KRT76: variants seen among roughly 807,000 people sequenced by gnomAD.
The protein encoded by KRT76 is keratin 76, also known as keratin, type II cytoskeletal 2 oral.
In KRT76, 47 loss-of-function variants were observed where a neutral mutation model predicts 44.9. The observed-to-expected ratio is 1.05, with a 90% CI of 0.83 to 1.33. The LOEUF (loss-of-function observed/expected upper bound fraction) is 1.33. Ranked by LOEUF, KRT76 falls within the 40% of genes most tolerant of loss-of-function variation. The probability of loss-of-function intolerance (pLI) is 0.00; values close to 1 mark genes in which losing one functional copy is unlikely to be tolerated. For synonymous variants in KRT76, 331 were observed against 294.1 expected, an observed-to-expected ratio of 1.13 and a Z score of -1.28; for missense variants, 860 against 775.8, an observed-to-expected ratio of 1.11 and a Z score of -1.29.
At position 52,769,683 on chromosome 12, in the gene KRT76, A is replaced by G. The variant is rs10876340; in HGVS notation, c.1485-100T>C. 14 of 980,396 alleles carry G rather than the reference A, an allele frequency of 1.4e-5. No homozygotes were observed. The East Asian group carries it at 3.3e-4, about 23-fold the overall frequency. The allele number at this position is 980,396 out of a possible 1,614,324, so 60.7% of individuals were successfully genotyped here. ...GGAGCCACGCCCTCCCATTTGCCCC[A>G]CTAGGGGTCAAGCTCCTGCAAGAAG... On this transcript the variant is annotated intron_variant, in intron 7 of 8. Transcript: ENST00000332411.
At chr12:52,771,395 T>C (rs1939179832) in intron 6 of KRT76, among the ~76,000 whole-genome samples, 176 bp from the exon 7 acceptor site, 1 of 152,214 alleles carries the variant, frequency 6.6e-6, no homozygotes, top group Admixed American at 6.5e-5. Flanking sequence ...CTTTGTCCCA[T>C]TGAAATCAAC....
rs181600647 is a variant in KRT76 at position 52,776,794 on chromosome 12, C to T, written c.498G>A (p.Gln166=). 143 of 1,614,150 alleles carry T rather than the reference C, an allele frequency of 8.9e-5. No individual in the cohort carries two copies. Among genetic ancestry groups the T allele is most frequent in the Non-Finnish European group, 1.1e-4 (131 of 1,180,030 alleles). ...QEVIVNQSLL[Q]PLNVEIDPQI... ...GGGGGTCGATCTCCACATTGAGGGG[C>T]TGCAGGAGACTCTGGTTTACAATCA... Residue 166 remains glutamine, a synonymous_variant, in exon 1 of 9, where the codon CAG becomes CAA. Coordinates refer to ENST00000332411, the MANE Select transcript of KRT76 (RefSeq NM_015848.4).
At position 52,772,015 on chromosome 12, in the gene KRT76, A is replaced by G; in HGVS notation, c.1138-19T>C. The G allele has an allele frequency of 6.2e-7, 1 of 1,612,206 alleles. No homozygotes were observed. The highest frequency in any genetic ancestry group is 8.5e-7 in the Non-Finnish European group (1 of 1,178,980). ...CCCCAAGCTGACAGAGGAAAAACCA[A>G]TCAACGTGGCTTTTGCAAAGTGTTG... On this transcript the variant is annotated intron_variant, in intron 5 of 8. Coordinates refer to ENST00000332411, the MANE Select transcript of KRT76 (RefSeq NM_015848.4).
At chr12:52,773,492 C>T in intron 3 of KRT76, 90 bp downstream of exon 3, 1 of 851,340 alleles carries the variant, frequency 1.2e-6, no homozygotes, top group South Asian at 1.6e-5. Context: ...ATATAAGGTC[C>T]CTGTGCCCCA....
chr12:52,776,264 G>A (rs1939259953), intron 1 of KRT76, among the ~76,000 whole-genome samples: 1 of 152,172 alleles, frequency 6.6e-6, no homozygotes, highest in Non-Finnish European at 1.5e-5. Flanking sequence ...GGAAGGTAAG[G>A]CAGCTGCCAA....
rs1189412927 is a variant in KRT76 at position 52,776,572 on chromosome 12, C to T, written c.600+120G>A. 5.2e-6 allele frequency: 8 copies of T among 1,525,272 alleles called. No individual in the cohort carries two copies. The South Asian group carries it at 9.6e-5, about 18-fold the overall frequency. 94.5% of individuals were successfully genotyped at this position (1,525,272 alleles called of 1,614,324 possible). A position where few individuals can be genotyped will look rare whatever the true frequency, so the allele number is the denominator to read the frequency against. On this transcript the variant is annotated intron_variant, in intron 1 of 8. Transcript: ENST00000332411. ...GATCACTGTCCTGTAGGGACCAAGA[C>T]AGCACCAGGACAAGAGCCAAGCGCC...
chr12:52,768,819 C>T lies in KRT76; in HGVS notation c.1811G>A (p.Ser604Asn). Reference protein sequence around the residue: ...SHSGMGSSSGSIQTSGGSGYK... With the variant: ...SHSGMGSSSGNIQTSGGSGYK... ...GCCACTTCCTCCAGAAGTCTGGATG[C>T]TGCCAGAGCTGGAGCCCATTCCACT... Residue 604 changes from serine (S) to asparagine (N), a missense_variant, in exon 9 of 9, where the codon AGC becomes AAC. By Grantham distance (46) the Ser-to-Asn change is conservative. Transcript: ENST00000332411. The T allele has an allele frequency of 1.9e-6, 3 of 1,613,966 alleles. No individual in the cohort carries two copies. Among genetic ancestry groups the T allele is most frequent in the Middle Eastern group, 1.7e-4 (1 of 6,060 alleles).
intron 3 of KRT76, 65 bp from the exon 4 acceptor site, chr12:52,772,943 C>G (rs1939208931): frequency 8.8e-7 from 1 of 1,135,204 alleles, no homozygotes; most frequent in Admixed American, 1.7e-5. Flanking sequence ...TGGCTCTTTC[C>G]TAAGCCCTCA....
rs148520134 is a variant in KRT76, at chr12:52,770,391, T to C, written c.1484+608A>G. ...AGATCTCTCAATTCTTGACACTCCT[T>C]TAGCATTTGATAAACACTTGCTAAG... On this transcript the variant is annotated intron_variant, in intron 7 of 8. Transcript: ENST00000332411. 7.2e-3 allele frequency among the ~76,000 whole-genome samples: 1,101 copies of C among 152,318 alleles called. 11 individuals carry two copies. Among genetic ancestry groups the C allele is most frequent in the Non-Finnish European group, 0.012 (785 of 68,024 alleles).
chr12:52,775,625 G>C, intron 1 of KRT76, 23 bp from the exon 2 acceptor site: 1 of 1,604,706 alleles, frequency 6.2e-7, no homozygotes, highest in Non-Finnish European at 8.5e-7. Context: ...GGGGAGAAAA[G>C]GAGTCAGCCC....
chr12:52,769,138 G>T lies in KRT76; in HGVS notation c.1520-28C>A, dbSNP rs904056716. On this transcript the variant is annotated intron_variant, in intron 8 of 8. Coordinates refer to ENST00000332411, the MANE Select transcript of KRT76 (RefSeq NM_015848.4). ...ACAAGACAACAGGCACACAATTCAG[G>T]CAAAGGGCCTGGGAAACTGGAAGCC... 3.1e-5 allele frequency: 21 copies of T among 675,930 alleles called. No homozygotes were observed. In the Admixed American group the frequency reaches 4.2e-4, roughly 14 times the overall value. The allele number at this position is 675,930 out of a possible 1,614,324, so 41.9% of individuals were successfully genotyped here.
At position 52,768,738 on chromosome 12, in the gene KRT76, G is replaced by T; in HGVS notation, c.1892C>A (p.Ser631Ter). ...TCACTTGGTGGAGCTATGCTGGCTT[G>T]AGCTCGTGGTCTGGGAGAAGCGGAT... is the stretch of plus-strand genomic sequence containing the variant. ...TSIRFSQTTS[S>*]SQHSSTK Residue 631 changes from serine (S) to a stop codon, truncating the protein, a stop_gained, in exon 9 of 9, where the codon TCA becomes TAA. Coordinates refer to ENST00000332411, the MANE Select transcript of KRT76 (RefSeq NM_015848.4). LOFTEE classifies it high-confidence loss of function. 1.2e-6 allele frequency: 2 copies of T among 1,602,868 alleles called. No homozygotes were observed. Among genetic ancestry groups the T allele is most frequent in the Non-Finnish European group, 1.7e-6 (2 of 1,170,942 alleles).
Position 52,772,083 on chromosome 12 carries a change from AG to A in KRT76, c.1137+10del, listed in dbSNP as rs528282370. 132 of 1,607,380 alleles carry A rather than the reference AG, an allele frequency of 8.2e-5. No homozygotes were observed. In the East Asian group the frequency reaches 2.9e-3, roughly 35 times the overall value. On this transcript the variant is annotated intron_variant, in intron 5 of 8. Transcript: ENST00000332411. ...GTCATCAGGATCCAAGGACACAGGG[AG>A]GGTTCCCACCTTGGTCTGGTACAGG...
In KRT76 at chr12:52,771,964, A is replaced by G; in HGVS notation, c.1170T>C (p.His390=). 1 of 1,614,086 alleles carries G rather than the reference A, an allele frequency of 6.2e-7. No individual in the cohort carries two copies. The highest frequency in any genetic ancestry group is 8.5e-7 in the Non-Finnish European group (1 of 1,180,014). The change falls in exon 6 of 9, where the codon CAT becomes CAC. Residue 390 remains histidine (H), a synonymous_variant. Coordinates refer to ENST00000332411, the MANE Select transcript of KRT76 (RefSeq NM_015848.4). ...TCTTGGTGTTCCTCAGGTCATCCCC[A>G]TGCCTGCCAGCTGTGGTCTGCAGCT... ...LGELQTTAGR[H]GDDLRNTKSE... is the part of the protein sequence containing the mutation.
chr12:52,772,293 C>G, intron 4 of KRT76, 35 bp from the exon 5 acceptor site: 4 of 1,558,110 alleles, frequency 2.6e-6, no homozygotes, highest in Non-Finnish European at 3.5e-6. Context: ...CTTACCATCG[C>G]CTGGACCAGG....
chr12:52,773,581 C>G lies in KRT76; in HGVS notation c.876+1G>C. The G allele has an allele frequency of 6.2e-7, 1 of 1,611,374 alleles. No homozygotes were observed. Among genetic ancestry groups the G allele is most frequent in the Non-Finnish European group, 8.5e-7 (1 of 1,177,916 alleles). On this transcript the variant is annotated splice_donor_variant, in intron 3 of 8. Coordinates refer to ENST00000332411, the MANE Select transcript of KRT76 (RefSeq NM_015848.4). LOFTEE classifies it high-confidence loss of function. ...GGATATGCTGGTCCAGGCTCACCTACCTTCTTGAGCCCCACAAACTCATTC... is the reference window on the plus strand; with the variant it reads ...GGATATGCTGGTCCAGGCTCACCTAGCTTCTTGAGCCCCACAAACTCATTC...
Position 52,771,095 on chromosome 12 carries a change from C to T in KRT76, c.1388G>A (p.Arg463Gln), listed in dbSNP as rs199634546. The T allele has an allele frequency of 9.3e-6, 15 of 1,612,634 alleles. No individual in the cohort carries two copies. In the East Asian group the frequency reaches 1.3e-4, roughly 14 times the overall value. Residue 463 changes from arginine to glutamine, a missense_variant, in exon 7 of 9, where the codon CGG becomes CAG. Physicochemically the swap from Arg to Gln is conservative, Grantham distance 43. Coordinates refer to ENST00000332411, the MANE Select transcript of KRT76 (RefSeq NM_015848.4). ...ALQKAKDDLA[R>Q]LLRDYQELMN... is the part of the protein sequence containing the mutation. ...CAGCTCCTGGTAGTCACGCAGGAGC[C>T]GAGCCAGGTCATCCTTAGCCTTCTG... is the stretch of plus-strand genomic sequence containing the variant.
At position 52,768,988 on chromosome 12, in the gene KRT76, C is replaced by A; in HGVS notation, c.1642G>T (p.Gly548Cys). ...CCGCTGCCGCCACTGACTCCATAGCCACTGCTGCTGCTGCTGCTGCTGCCG... is the reference window on the plus strand; with the variant it reads ...CCGCTGCCGCCACTGACTCCATAGCAACTGCTGCTGCTGCTGCTGCTGCCG... ...KGGSSSSSSS[G>C]YGVSGGSGSG... Residue 548 changes from glycine to cysteine, a missense_variant, in exon 9 of 9, where the codon GGC (glycine) becomes TGC (cysteine). Gly to Cys is a radical substitution (Grantham distance 159, BLOSUM62 -3). Transcript: ENST00000332411. 1.1e-6 allele frequency: 1 copy of A among 901,550 alleles called. No homozygotes were observed. Among genetic ancestry groups the A allele is most frequent in the Non-Finnish European group, 1.8e-6 (1 of 569,776 alleles). 55.8% of individuals were successfully genotyped at this position (901,550 alleles called of 1,614,324 possible).
intron 1 of KRT76, 72 bp downstream of exon 1, chr12:52,776,620 C>G: frequency 6.2e-7 from 1 of 1,610,728 alleles, no homozygotes; most frequent in Non-Finnish European, 8.5e-7. Context: ...CTCACAAGTC[C>G]CCATGGCATC....
Sources: allele counts gnomAD v4.1 joint callset (sites outside exome capture counted in the v4.1 genomes callset), GRCh38; gene constraint gnomAD v4.1.1; transcripts MANE v1.5; gene names NCBI Gene and HGNC (gene_info 2026-07-23, HGNC 2026-07-21).